ASIC2: variants seen among roughly 807,000 people sequenced by gnomAD.
ASIC2 encodes the protein acid-sensing ion channel 2.
Under a neutral mutation model 57.3 loss-of-function variants are expected in ASIC2, and 25 were observed. The observed-to-expected ratio is 0.44, with a 90% CI of 0.32 to 0.61. The LOEUF is 0.61. Ranked by LOEUF, ASIC2 falls within the 20% of genes least tolerant of loss-of-function variation. The pLI is 0.06. For synonymous variants in ASIC2, 319 were observed against 307.5 expected (o/e 1.04, Z -0.39); for missense variants, 641 against 738.1 (o/e 0.87, Z 1.52).
chr17:33,764,359 C>G (rs1910873342), intron 1 of ASIC2, among the ~76,000 whole-genome samples: 2 of 150,860 alleles, frequency 1.3e-5, no homozygotes, highest in South Asian at 4.2e-4. Flanking sequence ...TGAGAATGTA[C>G]TGTCCTGGAG....
At chr17:33,868,749 C>T (rs2141929814) in intron 1 of ASIC2, among the ~76,000 whole-genome samples, 1 of 152,116 alleles carries the variant, frequency 6.6e-6, no homozygotes, top group African/African-American at 2.4e-5. Context: ...TACAGATCAA[C>T]AATAAAAATA....
At chr17:34,138,314 G>A (rs1912179749) in intron 1 of ASIC2, among the ~76,000 whole-genome samples, 1 of 152,212 alleles carries the variant, frequency 6.6e-6, no homozygotes, top group African/African-American at 2.4e-5. Context: ...CCAATGCTCA[G>A]TAAATGTTTT....
At chr17:33,226,496 T>C (rs969422275) in intron 1 of ASIC2, among the ~76,000 whole-genome samples, 2 of 152,226 alleles carry the variant, frequency 1.3e-5, no homozygotes, top group African/African-American at 4.8e-5. Context: ...GTTCTCAGAT[T>C]AATGAAGGCA....
intron 1 of ASIC2, among the ~76,000 whole-genome samples, chr17:33,462,241 A>G (rs962179011): frequency 5.3e-5 from 8 of 152,196 alleles, no homozygotes; most frequent in African/African-American, 1.9e-4. Context: ...CCTTCTGGTA[A>G]TAGAACCTAC....
At chr17:33,340,932 C>T (rs990288778) in intron 1 of ASIC2, among the ~76,000 whole-genome samples, 1 of 152,134 alleles carries the variant, frequency 6.6e-6, no homozygotes, top group Non-Finnish European at 1.5e-5. Flanking sequence ...GAGTTATTGC[C>T]TCCTGGAATG....
At chr17:33,985,837 C>T (rs1183048934) in intron 1 of ASIC2, among the ~76,000 whole-genome samples, 1 of 152,238 alleles carries the variant, frequency 6.6e-6, no homozygotes, top group Non-Finnish European at 1.5e-5. Flanking sequence ...CTCCTTCCTT[C>T]TCCCTATGTC....
At chr17:33,937,697 C>T (rs1224215825) in intron 1 of ASIC2, among the ~76,000 whole-genome samples, 1 of 152,210 alleles carries the variant, frequency 6.6e-6, no homozygotes, top group Non-Finnish European at 1.5e-5. Flanking sequence ...CCCTAGCCAG[C>T]CCTATCCACA....
At chr17:33,853,125 T>C (rs763775619) in intron 1 of ASIC2, among the ~76,000 whole-genome samples, 6 of 152,196 alleles carry the variant, frequency 3.9e-5, no homozygotes, top group Non-Finnish European at 8.8e-5. Context: ...ACACACAAAG[T>C]TAACACTTCA....
chr17:33,470,752 T>A (rs922216024), intron 1 of ASIC2, among the ~76,000 whole-genome samples: 1 of 152,180 alleles, frequency 6.6e-6, no homozygotes, highest in Non-Finnish European at 1.5e-5. Context: ...ACACACCCAA[T>A]CACCTTGAAA....
intron 1 of ASIC2, among the ~76,000 whole-genome samples, chr17:33,653,205 T>C (rs1906976062): frequency 1.3e-5 from 2 of 152,230 alleles, no homozygotes; most frequent in South Asian, 4.1e-4. Flanking sequence ...AAGAGCTTGC[T>C]GGCCTTCTTC....
chr17:34,151,714 G>C (rs1904532537), intron 1 of ASIC2, among the ~76,000 whole-genome samples: 1 of 152,174 alleles, frequency 6.6e-6, no homozygotes, highest in South Asian at 2.1e-4. Context: ...TGAAGTTATA[G>C]TATGGAATAG....
At chr17:33,186,943 C>T (rs762602292) in intron 1 of ASIC2, among the ~76,000 whole-genome samples, 10 of 152,240 alleles carry the variant, frequency 6.6e-5, no homozygotes, top group Admixed American at 1.3e-4. Context: ...TGATGTGCGA[C>T]GAAAAGTGGA....
At position 33,023,868 on chromosome 17, in the gene ASIC2, A is replaced by G; in HGVS notation, c.1342T>C (p.Tyr448His). The G allele has an allele frequency of 3.1e-6, 5 of 1,613,876 alleles. No individual in the cohort carries two copies. Among genetic ancestry groups the G allele is most frequent in the Non-Finnish European group, 4.2e-6 (5 of 1,179,980 alleles). The stretch of plus-strand genomic sequence containing the variant: ...CATGCCCACTAAACTTACGAGATAT[A>G]TTTTTCTGATTTGTTAAATTTCTTC... ...LEKKFNKSEKYISENILVLDI... is the reference protein window; with the variant it reads ...LEKKFNKSEKHISENILVLDI... The change falls in exon 6 of 10, where the codon TAT becomes CAT. Residue 448 changes from tyrosine (Y) to histidine (H), a missense_variant. Physicochemically the swap from Tyr to His is moderately conservative, Grantham distance 83. This residue lies in a region of ASIC2 where 252 missense variants were observed against 319.8 expected (regional missense o/e 0.79). Coordinates refer to ENST00000225823, the MANE Select transcript of ASIC2 (RefSeq NM_183377.2).
chr17:33,147,967 T>C (rs1445887018), intron 1 of ASIC2, among the ~76,000 whole-genome samples: 1 of 152,120 alleles, frequency 6.6e-6, no homozygotes, highest in Non-Finnish European at 1.5e-5. Flanking sequence ...CAGGTGAACT[T>C]TGGAGACAAG....
chr17:33,939,494 A>G (rs945117884), intron 1 of ASIC2, among the ~76,000 whole-genome samples: 1 of 152,240 alleles, frequency 6.6e-6, no homozygotes, highest in Non-Finnish European at 1.5e-5. Flanking sequence ...AAAGCCTGGA[A>G]CTAGACTCCT....
intron 1 of ASIC2, among the ~76,000 whole-genome samples, chr17:33,161,503 CT>C (rs1489317627): frequency 1.2e-4 from 18 of 152,234 alleles, no homozygotes; most frequent in African/African-American, 4.3e-4. Flanking sequence ...CACCATCACA[CT>C]CTTCCACATC....
At chr17:33,464,353 T>G (rs1209511918) in intron 1 of ASIC2, among the ~76,000 whole-genome samples, 1 of 152,158 alleles carries the variant, frequency 6.6e-6, no homozygotes, top group Admixed American at 6.5e-5. Context: ...ATTGGAAAGC[T>G]GGTTGACTGG....
chr17:33,904,301 C>A (rs1915300190), intron 1 of ASIC2, among the ~76,000 whole-genome samples: 1 of 151,980 alleles, frequency 6.6e-6, no homozygotes, highest in African/African-American at 2.4e-5. Context: ...AGTCTGAGGC[C>A]TCATCCCAGA....
chr17:33,129,794 A>G lies in ASIC2; in HGVS notation c.709-17727T>C, dbSNP rs150495913. On this transcript the variant is annotated intron_variant, in intron 1 of 9. Transcript: ENST00000225823. ...CTGTCCTGTGGGACATGGGCCATAC[A>G]GGGGATTGGGGACCTGAGCTTTGGG... 1.3e-3 allele frequency among the ~76,000 whole-genome samples: 192 copies of G among 152,318 alleles called. 1 individual carries two copies. Among genetic ancestry groups the G allele is most frequent in the African/African-American group, 4.5e-3 (187 of 41,582 alleles).
Sources: allele counts gnomAD v4.1 joint callset (sites outside exome capture counted in the v4.1 genomes callset), GRCh38; gene constraint gnomAD v4.1.1; regional missense constraint gnomAD v4.1.1; transcripts MANE v1.5; gene names NCBI Gene and HGNC (gene_info 2026-07-23, HGNC 2026-07-21).